ZBTB11: variants seen among roughly 807,000 people sequenced by gnomAD.
ZBTB11 encodes zinc finger and BTB domain containing 11.
A neutral mutation model predicts 113.1 loss-of-function variants in ZBTB11; 68 were observed. That is an observed-to-expected ratio of 0.60 (90% CI 0.49 to 0.74). The LOEUF (loss-of-function observed/expected upper bound fraction) is 0.74. Ranked by LOEUF, ZBTB11 falls within the 30% of genes least tolerant of loss-of-function variation. ZBTB11 has a pLI of 0.00. For missense variants in ZBTB11, 1,104 were observed against 1,279.4 expected, an observed-to-expected ratio of 0.86 and a Z score of 2.09; for synonymous variants, 518 against 452.6, an observed-to-expected ratio of 1.14 and a Z score of -1.83.
chr3:101,670,190 G>C (rs1397134319), intron 3 of ZBTB11, among the ~76,000 whole-genome samples: 1 of 152,020 alleles, frequency 6.6e-6, no homozygotes, highest in Non-Finnish European at 1.5e-5. Context: ...TCCCAGAAGA[G>C]GTAGGACTAA....
At chr3:101,673,830 C>G (rs1180257400) in intron 1 of ZBTB11, among the ~76,000 whole-genome samples, 1 of 152,132 alleles carries the variant, frequency 6.6e-6, no homozygotes, top group African/African-American at 2.4e-5. Flanking sequence ...GTTCCTTATA[C>G]TTTCAATCTT....
intron 1 of ZBTB11, among the ~76,000 whole-genome samples, chr3:101,673,701 G>C (rs1271439468): frequency 2.6e-5 from 4 of 152,060 alleles, no homozygotes; most frequent in Admixed American, 6.6e-5. Flanking sequence ...TTTTAGTAGA[G>C]ATGGGGTTTC....
At chr3:101,673,336 G>A (rs1937111628) in intron 1 of ZBTB11, among the ~76,000 whole-genome samples, 2 of 152,144 alleles carry the variant, frequency 1.3e-5, no homozygotes, top group African/African-American at 4.8e-5. Context: ...GAAGTCATGG[G>A]ATTTTCGGTA....
rs376263121 is a variant in ZBTB11 at position 101,665,621 on chromosome 3, G to A, written c.966C>T (p.Gly322=). 1.8e-5 allele frequency: 29 copies of A among 1,614,026 alleles called. No homozygotes were observed. Among genetic ancestry groups the A allele is most frequent in the South Asian group, 6.6e-5 (6 of 91,082 alleles). ...EEKQLTVYKK[G]EVQTVASTQD... Reference sequence around the variant, plus strand: ...GGGTGGATGCAACTGTTTGTACTTCGCCCTTCTTATATACTGTTAGCTGCT... The same window carrying A: ...GGGTGGATGCAACTGTTTGTACTTCACCCTTCTTATATACTGTTAGCTGCT... Residue 322 remains glycine (G), a synonymous_variant, in exon 4 of 11, where the codon GGC becomes GGT. Transcript: ENST00000312938.
rs367805777 is a variant in ZBTB11, at chr3:101,677,056, T to C, written c.-142A>G. The C allele has an allele frequency of 2.2e-6, 2 of 925,942 alleles. No individual in the cohort carries two copies. The highest frequency in any genetic ancestry group is 3.4e-5 in the Admixed American group (1 of 29,014). 57.4% of individuals were successfully genotyped at this position (925,942 alleles called of 1,614,324 possible). On this transcript the variant is annotated 5_prime_UTR_variant, in exon 1 of 11. Coordinates refer to ENST00000312938, the MANE Select transcript of ZBTB11 (RefSeq NM_014415.4). ...GGCGAGCGCTCTTCGACGGCTCCCT[T>C]AGTCCGAAGGAAAAGCGGGCGAGTT...
At chr3:101,658,428 T>C (rs1936834115) in intron 6 of ZBTB11, among the ~76,000 whole-genome samples, 2 of 152,092 alleles carry the variant, frequency 1.3e-5, no homozygotes, top group Admixed American at 1.3e-4. Flanking sequence ...CCAGGATTGT[T>C]AGCCAGGATG....
intron 7 of ZBTB11, chr3:101,655,829 GT>G (rs1936786451): frequency 6.2e-6 from 1 of 160,312 alleles, no homozygotes; most frequent in Non-Finnish European, 1.4e-5. Context: ...CCCGGCTAAT[GT>G]TTTGTCTTTT....
At chr3:101,660,143 T>C in intron 5 of ZBTB11, 115 bp from the exon 6 acceptor site, 2 of 1,044,214 alleles carry the variant, frequency 1.9e-6, no homozygotes, top group Non-Finnish European at 2.7e-6. Flanking sequence ...ATAAACACAC[T>C]ATGTAAAAAA....
chr3:101,675,862 A>G (rs1937158232), intron 1 of ZBTB11, among the ~76,000 whole-genome samples: 1 of 152,162 alleles, frequency 6.6e-6, no homozygotes, highest in South Asian at 2.1e-4. Flanking sequence ...TGGGAGGCCG[A>G]GGCGGGAGGA....
At chr3:101,660,184 G>C (rs978691079) in intron 5 of ZBTB11, among the ~76,000 whole-genome samples, 156 bp from the exon 6 acceptor site, 5 of 152,096 alleles carry the variant, frequency 3.3e-5, no homozygotes, top group Non-Finnish European at 5.9e-5. Context: ...AGATAAAAGG[G>C]ATAAGACTCA....
chr3:101,656,438 A>G (rs1487336873), intron 6 of ZBTB11, among the ~76,000 whole-genome samples, 190 bp from the exon 7 acceptor site: 3 of 152,224 alleles, frequency 2.0e-5, no homozygotes, highest in Non-Finnish European at 4.4e-5. Context: ...TCAGTATTCA[A>G]CAAATATTGT....
intron 5 of ZBTB11, among the ~76,000 whole-genome samples, chr3:101,663,618 T>C (rs1392210258): frequency 1.3e-5 from 2 of 152,062 alleles, no homozygotes; most frequent in African/African-American, 4.8e-5. Context: ...GGGCCGGGTG[T>C]GGTAGCTCAC....
At chr3:101,658,653 G>C (rs1253155915) in intron 6 of ZBTB11, among the ~76,000 whole-genome samples, 1 of 152,168 alleles carries the variant, frequency 6.6e-6, no homozygotes, top group East Asian at 1.9e-4. Flanking sequence ...TCTAAATGAA[G>C]TAACTTAGGA....
chr3:101,652,852 C>T lies in ZBTB11; in HGVS notation c.2396G>A (p.Cys799Tyr), dbSNP rs1936727900. The change falls in exon 9 of 11, where the codon TGT (cysteine) becomes TAT (tyrosine). Residue 799 changes from cysteine (C) to tyrosine (Y), a missense_variant. This residue lies in a region of ZBTB11 where 148 missense variants were observed against 259.3 expected (regional missense o/e 0.57). Coordinates refer to ENST00000312938, the MANE Select transcript of ZBTB11 (RefSeq NM_014415.4). ...TTTCTTCCAACTATAGCACTTATCACAAAATTGGCACTGGAATGGCTTCAC... is the reference window on the plus strand; with the variant it reads ...TTTCTTCCAACTATAGCACTTATCATAAAATTGGCACTGGAATGGCTTCAC... ...LGVKPFQCQF[C>Y]DKCYSWKKDW... 2.5e-6 allele frequency: 4 copies of T among 1,613,988 alleles called. No individual in the cohort carries two copies. Among genetic ancestry groups the T allele is most frequent in the African/African-American group, 1.3e-5 (1 of 74,904 alleles).
chr3:101,653,751 G>GA lies in ZBTB11; in HGVS notation c.2310-814dup, dbSNP rs563182098. ...AAACTGTTAGAATCAACCTTACCAG[G>GA]AACTCTAAAAACTAATGAAAAGCTT... On this transcript the variant is annotated intron_variant, in intron 8 of 10. Coordinates refer to ENST00000312938, the MANE Select transcript of ZBTB11 (RefSeq NM_014415.4). 3.1e-4 allele frequency among the ~76,000 whole-genome samples: 47 copies of GA among 152,072 alleles called. No homozygotes were observed. The East Asian group carries it at 7.9e-3, about 26-fold the overall frequency.
intron 8 of ZBTB11, among the ~76,000 whole-genome samples, chr3:101,654,026 C>T (rs980319042): frequency 6.6e-6 from 1 of 152,056 alleles, no homozygotes; most frequent in South Asian, 2.1e-4. Context: ...TGCGCCCACA[C>T]TACCACCCTA....
chr3:101,651,656 CAT>C lies in ZBTB11; in HGVS notation c.2670_2671del (p.Cys891TrpfsTer6). 3 of 1,537,726 alleles carry C rather than the reference CAT, an allele frequency of 2.0e-6. No homozygotes were observed. Among genetic ancestry groups the C allele is most frequent in the Admixed American group, 2.1e-5 (1 of 48,178 alleles). Reference sequence around the variant, plus strand: ...TCGGGCATCAGCCCAAGCTACTCCACATGTTAAGCACTCAAATGGCTTAACTC... The same window carrying C: ...TCGGGCATCAGCCCAAGCTACTCCACGTTAAGCACTCAAATGGCTTAACTC... On this transcript the variant is annotated frameshift_variant, in exon 11 of 11. Coordinates refer to ENST00000312938, the MANE Select transcript of ZBTB11 (RefSeq NM_014415.4). LOFTEE classifies it high-confidence loss of function.
At position 101,649,104 on chromosome 3, in the gene ZBTB11, A is replaced by C. The variant is rs1936653106; in HGVS notation, c.*2062T>G. On this transcript the variant is annotated 3_prime_UTR_variant, in exon 11 of 11. Transcript: ENST00000312938. ...CCTCTGCCGCAACACTCTTCTGCTC[A>C]TGGAGCCTGGGGTTTAGGGTTTATA... is the stretch of plus-strand genomic sequence containing the variant. 6.6e-6 allele frequency: 1 copy of C among 152,192 alleles called. No homozygotes were observed. Among genetic ancestry groups the C allele is most frequent in the African/African-American group, 2.4e-5 (1 of 41,422 alleles). 9.4% of individuals were successfully genotyped at this position (152,192 alleles called of 1,614,324 possible). A position where few individuals can be genotyped will look rare whatever the true frequency, so the allele number is the denominator to read the frequency against.
At position 101,664,883 on chromosome 3, in the gene ZBTB11, T is replaced by C. The variant is rs546521204; in HGVS notation, c.1623+81A>G. ...ACCCATCTCACCTCCCAAATAATTT[T>C]CATTATAGCCATAAGTTCATCAATA... is the stretch of plus-strand genomic sequence containing the variant. On this transcript the variant is annotated intron_variant, in intron 4 of 10. Transcript: ENST00000312938. 17 of 1,526,598 alleles carry C rather than the reference T, an allele frequency of 1.1e-5. No homozygotes were observed. In the East Asian group the frequency reaches 3.2e-4, roughly 28 times the overall value. The allele number at this position is 1,526,598 out of a possible 1,614,324, so 94.6% of individuals were successfully genotyped here. A position where few individuals can be genotyped will look rare whatever the true frequency, so the allele number is the denominator to read the frequency against.
Sources: gnomAD v4.1 joint callset for allele counts (sites outside exome capture counted in the v4.1 genomes callset) on GRCh38, gnomAD v4.1.1 for gene constraint, gnomAD v4.1.1 regional missense constraint, MANE v1.5 for transcripts, NCBI Gene and HGNC (gene_info 2026-07-23, HGNC 2026-07-21) for gene names.